Variants in SH3GL3 observed in about 807,000 individuals in gnomAD.
The protein encoded by SH3GL3 is endophilin-A3.
In SH3GL3, 33 loss-of-function variants were observed where a neutral mutation model predicts 47.7. That is an observed-to-expected ratio of 0.69 (90% confidence interval 0.52 to 0.92). The LOEUF (loss-of-function observed/expected upper bound fraction) is 0.92, where lower values mean the gene tolerates loss of function less well. Among genes scored for constraint, SH3GL3 ranks in the 40% least tolerant of loss-of-function variants. The pLI is 0.00. For missense variants in SH3GL3, 363 were observed against 417.8 expected (o/e 0.87, Z 1.14); for synonymous variants, 155 against 148.8 (o/e 1.04, Z -0.30).
intron 1 of SH3GL3, among the ~76,000 whole-genome samples, chr15:83,456,565 C>G (rs1366149991): frequency 1.9e-5 from 2 of 104,250 alleles, no homozygotes; most frequent in Non-Finnish European, 3.9e-5. Flanking sequence ...GGGAGTGACC[C>G]GATTTTCCAG....
intron 4 of SH3GL3, among the ~76,000 whole-genome samples, chr15:83,569,860 T>A (rs1399567830): frequency 6.6e-6 from 1 of 152,138 alleles, no homozygotes; most frequent in Non-Finnish European, 1.5e-5. Flanking sequence ...GAGGTCCATT[T>A]TTTCCCCCCT....
chr15:83,469,732 A>G (rs935121149), intron 1 of SH3GL3, among the ~76,000 whole-genome samples: 3 of 152,180 alleles, frequency 2.0e-5, no homozygotes, highest in African/African-American at 7.2e-5. Flanking sequence ...GGCTCAGGAT[A>G]TGGTCTATCT....
At chr15:83,622,253 C>G (rs1029943773), downstream of SH3GL3, among the ~76,000 whole-genome samples, 3 of 152,178 alleles carry the variant, frequency 2.0e-5, no homozygotes, top group Non-Finnish European at 4.4e-5. Flanking sequence ...GGATTCTAAT[C>G]CAGTCTCCCT....
intron 1 of SH3GL3, among the ~76,000 whole-genome samples, chr15:83,522,222 T>C (rs539053203): frequency 1.3e-5 from 2 of 152,264 alleles, no homozygotes; most frequent in South Asian, 2.1e-4. Context: ...GTTGAAAACC[T>C]TGGAGGACAC....
chr15:83,490,946 C>T, intron 1 of SH3GL3: 2 of 1,612,872 alleles, frequency 1.2e-6, no homozygotes, highest in Non-Finnish European at 8.5e-7. Context: ...TGGGGAAGAA[C>T]AGTAAACTTG....
At chr15:83,450,759 C>CTTT (rs11389152) in intron 1 of SH3GL3, among the ~76,000 whole-genome samples, 37 of 44,540 alleles carry the variant, frequency 8.3e-4, no homozygotes, top group South Asian at 3.6e-3. Context: ...GGATATTTTT[C>CTTT]TTTTTTTTTT....
At position 83,568,594 on chromosome 15, in the gene SH3GL3, G is replaced by A. The variant is rs763965005; in HGVS notation, c.253G>A (p.Gly85Arg). 6.2e-7 allele frequency: 1 copy of A among 1,613,404 alleles called. No homozygotes were observed. ...SKIRGQVKTT[G>R]YPQTEGLLGD... ...GATCCGAGGGCAGGTGAAGACCACA[G>A]GATACCCGCAGACGGAAGGCTTGCT... The change falls in exon 4 of 9, where the codon GGA becomes AGA. Residue 85 changes from glycine to arginine, a missense_variant. Coordinates refer to ENST00000427482, the MANE Select transcript of SH3GL3 (RefSeq NM_003027.5).
intron 1 of SH3GL3, among the ~76,000 whole-genome samples, chr15:83,534,086 A>G (rs1668339207): frequency 6.6e-6 from 1 of 152,122 alleles, no homozygotes; most frequent in African/African-American, 2.4e-5. Context: ...CTACTGTAAC[A>G]GTATTAAAAG....
chr15:83,607,077 T>C (rs2060535394), intron 8 of SH3GL3, among the ~76,000 whole-genome samples: 1 of 152,196 alleles, frequency 6.6e-6, no homozygotes. Context: ...TCTGTAATTA[T>C]TCTGAACAGT....
chr15:83,450,804 A>ATT (rs34099509), intron 1 of SH3GL3, among the ~76,000 whole-genome samples: 241 of 58,730 alleles, frequency 4.1e-3, no homozygotes, highest in Middle Eastern at 0.017. Context: ...TTTTTTTTTA[A>ATT]TTTTTTTTTT....
chr15:83,581,921 C>G (rs191044064), intron 6 of SH3GL3, among the ~76,000 whole-genome samples: 1 of 152,144 alleles, frequency 6.6e-6, no homozygotes, highest in Non-Finnish European at 1.5e-5. Context: ...GTGATGCAAG[C>G]CAGGAGGTGT....
chr15:83,505,371 C>T (rs1371111493), intron 1 of SH3GL3, among the ~76,000 whole-genome samples: 2 of 152,086 alleles, frequency 1.3e-5, no homozygotes, highest in Non-Finnish European at 2.9e-5. Flanking sequence ...CATTATTTTA[C>T]ATCCTTGCCA....
intron 5 of SH3GL3, among the ~76,000 whole-genome samples, chr15:83,575,199 C>T (rs2059641821): frequency 6.6e-6 from 1 of 152,186 alleles, no homozygotes; most frequent in Non-Finnish European, 1.5e-5. Flanking sequence ...CCCAAATGCA[C>T]AGTTGTAAAA....
chr15:83,477,300 T>C (rs1281906487), intron 1 of SH3GL3, among the ~76,000 whole-genome samples: 1 of 152,216 alleles, frequency 6.6e-6, no homozygotes, highest in African/African-American at 2.4e-5. Context: ...ATCTTTTCTT[T>C]CTTGTTTTAA....
At chr15:83,584,921 C>G (rs1305355006) in intron 6 of SH3GL3, among the ~76,000 whole-genome samples, 1 of 152,144 alleles carries the variant, frequency 6.6e-6, no homozygotes, top group Non-Finnish European at 1.5e-5. Context: ...TCTTGCTAAG[C>G]CTGAGTTTGT....
At chr15:83,595,292 G>A (rs2060209371) in intron 8 of SH3GL3, among the ~76,000 whole-genome samples, 1 of 152,148 alleles carries the variant, frequency 6.6e-6, no homozygotes, top group Non-Finnish European at 1.5e-5. Context: ...GTAAGTGGGA[G>A]CTAAACATTG....
At chr15:83,512,765 C>T (rs1339979019) in intron 1 of SH3GL3, among the ~76,000 whole-genome samples, 1 of 152,070 alleles carries the variant, frequency 6.6e-6, no homozygotes, top group East Asian at 1.9e-4. Flanking sequence ...TTTTCCCCAC[C>T]TTTGCCTGGC....
At chr15:83,576,878 A>G (rs551220249) in intron 6 of SH3GL3, 137 bp downstream of exon 6, 22 of 444,686 alleles carry the variant, frequency 4.9e-5, no homozygotes, top group Non-Finnish European at 7.6e-5. Context: ...CATAAAATAC[A>G]CTAATACTAA....
At position 83,516,192 on chromosome 15, in the gene SH3GL3, G is replaced by A. The variant is rs187111489; in HGVS notation, c.46-43061G>A. ...GCCTTTCTTGAGTCTCTCTTTTTCTGTGAACATAAAACATAAGTGTACTGA... is the reference window on the plus strand; with the variant it reads ...GCCTTTCTTGAGTCTCTCTTTTTCTATGAACATAAAACATAAGTGTACTGA... On this transcript the variant is annotated intron_variant, in intron 1 of 8. Transcript: ENST00000427482. 3.3e-5 allele frequency among the ~76,000 whole-genome samples: 5 copies of A among 152,160 alleles called. No homozygotes were observed. The East Asian group carries it at 9.7e-4, about 29-fold the overall frequency.
Sources: gnomAD v4.1 joint callset for allele counts (sites outside exome capture counted in the v4.1 genomes callset) on GRCh38, gnomAD v4.1.1 for gene constraint, MANE v1.5 for transcripts, NCBI Gene and HGNC (gene_info 2026-07-23, HGNC 2026-07-21) for gene names.